PARP1: variants seen among roughly 807,000 people sequenced by gnomAD.
PARP1 encodes the protein poly [ADP-ribose] polymerase 1.
In PARP1, 44 loss-of-function variants were observed where a neutral mutation model predicts 118.7. The ratio of observed to expected loss-of-function variants is 0.37; its 90% CI spans 0.29 to 0.48. The LOEUF is 0.48. PARP1 is among the 20% of genes least tolerant of loss of function. The pLI is 0.99. For synonymous variants in PARP1, 492 were observed against 483.2 expected, an observed-to-expected ratio of 1.02 and a Z score of -0.24; for missense variants, 1,100 against 1,272.4, an observed-to-expected ratio of 0.86 and a Z score of 2.06.
chr1:226,403,118 C>G (rs1665070210), intron 1 of PARP1, among the ~76,000 whole-genome samples: 1 of 152,164 alleles, frequency 6.6e-6, no homozygotes, highest in Non-Finnish European at 1.5e-5. Flanking sequence ...ACACAGTTCC[C>G]CTCTCCAGGT....
Position 226,392,182 on chromosome 1 carries a change from G to A in PARP1, c.402+17C>T. On this transcript the variant is annotated intron_variant, in intron 3 of 22. Transcript: ENST00000366794. ...GCAATCCATAAAGTTCAGGGATCTG[G>A]GCCCCCAAGATCTTACCTTTTCTAT... 6.7e-7 allele frequency: 1 copy of A among 1,498,388 alleles called. No individual in the cohort carries two copies. The highest frequency in any genetic ancestry group is 2.3e-5 in the East Asian group (1 of 44,330). The allele number at this position is 1,498,388 out of a possible 1,614,324, so 92.8% of individuals were successfully genotyped here.
At chr1:226,392,546 A>AT (rs1234301994) in intron 2 of PARP1, 3 of 573,650 alleles carry the variant, frequency 5.2e-6, no homozygotes, top group Non-Finnish European at 6.3e-6. Flanking sequence ...AAAGAGCAGC[A>AT]TATCAGGGGG....
intron 1 of PARP1, 45 bp downstream of exon 1, chr1:226,407,765 C>A (rs749255333): frequency 6.6e-7 from 1 of 1,524,388 alleles, no homozygotes; most frequent in East Asian, 2.7e-5. Flanking sequence ...ACAGTTAACC[C>A]GGGGCGCCGC....
chr1:226,366,000 T>G lies in PARP1; in HGVS notation c.2459A>C (p.Asn820Thr). Residue 820 changes from asparagine (N) to threonine (T), a missense_variant, in exon 18 of 23, where the codon AAC becomes ACC. Physicochemically the swap from Asn to Thr is moderately conservative, Grantham distance 65. Around this residue, in one of 2 missense-constraint regions of PARP1, gnomAD observed 948 missense variants for 1,031.8 expected, o/e 0.92. Transcript: ENST00000366794. The part of the protein sequence containing the change: ...EAEIIRKYVK[N>T]THATTHNAYD... ...CGCATTGTGTGTGGTTGCATGAGTG[T>G]TCTTAACATACTTCCTGATGATCTC... 1 of 1,613,636 alleles carries G rather than the reference T, an allele frequency of 6.2e-7. No individual in the cohort carries two copies.
chr1:226,404,174 A>C (rs1553298611), intron 1 of PARP1, among the ~76,000 whole-genome samples: 1 of 152,220 alleles, frequency 6.6e-6, no homozygotes, highest in Non-Finnish European at 1.5e-5. Context: ...CTCTAGCAAC[A>C]TGTCACAGAG....
intron 1 of PARP1, among the ~76,000 whole-genome samples, chr1:226,405,934 A>G (rs1441565739): frequency 2.6e-5 from 4 of 152,206 alleles, no homozygotes; most frequent in African/African-American, 9.7e-5. Context: ...TGGGCAACAT[A>G]GTGAGACCCC....
intron 7 of PARP1, among the ~76,000 whole-genome samples, chr1:226,384,988 C>A (rs557738292): frequency 1.7e-4 from 26 of 152,278 alleles, no homozygotes; most frequent in Admixed American, 1.4e-3. Context: ...CTGCTAGAAC[C>A]CCACCAGCCG....
At position 226,360,967 on chromosome 1, in the gene PARP1, G is replaced by A. The variant is rs993599937; in HGVS notation, c.*493C>T. 8.8e-6 allele frequency: 2 copies of A among 227,636 alleles called. No homozygotes were observed. The highest frequency in any genetic ancestry group is 1.3e-4 in the East Asian group (2 of 15,250). The allele number at this position is 227,636 out of a possible 1,614,324, so 14.1% of individuals were successfully genotyped here. Reference sequence around the variant, plus strand: ...GAGGCAAACAAAAAAAACTAAAAAGGGGACAATAAGTGCAAGATAAAAAAG... The same window carrying A: ...GAGGCAAACAAAAAAAACTAAAAAGAGGACAATAAGTGCAAGATAAAAAAG... On this transcript the variant is annotated 3_prime_UTR_variant, in exon 23 of 23. Transcript: ENST00000366794.
chr1:226,378,900 CAGA>C (rs1480522994), intron 12 of PARP1, among the ~76,000 whole-genome samples: 1 of 152,162 alleles, frequency 6.6e-6, no homozygotes, highest in Non-Finnish European at 1.5e-5. Context: ...GAAAAGCCAG[CAGA>C]AGAATATGTG....
chr1:226,376,541 T>A (rs1411972250), intron 13 of PARP1, among the ~76,000 whole-genome samples: 1 of 152,238 alleles, frequency 6.6e-6, no homozygotes, highest in Non-Finnish European at 1.5e-5. Flanking sequence ...AATTACGTCC[T>A]ATTGTTTCAG....
chr1:226,370,321 A>G lies in PARP1; in HGVS notation c.2154+113T>C, dbSNP rs1022435756. The stretch of plus-strand genomic sequence containing the variant: ...TCGAAACCCTCGTGAAGTGCAGTTC[A>G]GTACTTCCAGTTTCTTAACCTTGAG... On this transcript the variant is annotated intron_variant, in intron 15 of 22. Transcript: ENST00000366794. 48 of 818,452 alleles carry G rather than the reference A, an allele frequency of 5.9e-5. No homozygotes were observed. In the African/African-American group the frequency reaches 6.8e-4, roughly 12 times the overall value. 50.7% of individuals were successfully genotyped at this position (818,452 alleles called of 1,614,324 possible). A position where few individuals can be genotyped will look rare whatever the true frequency, so the allele number is the denominator to read the frequency against.
At position 226,402,313 on chromosome 1, in the gene PARP1, A is replaced by C; in HGVS notation, c.187T>G (p.Ser63Ala). The stretch of plus-strand genomic sequence containing the variant: ...ACCTCAACGTCAGGGTGCCGGATGG[A>C]GTGGCCCACCTTCCAGAAGCAGGAG... ...HFSCFWKVGH[S>A]IRHPDVEVDG... The change falls in exon 2 of 23, where the codon TCC (serine) becomes GCC (alanine). Residue 63 changes from serine to alanine, a missense_variant. Ser to Ala is a moderately conservative substitution (Grantham distance 99). Around this residue, in one of 2 missense-constraint regions of PARP1, gnomAD observed 948 missense variants for 1,031.8 expected, o/e 0.92. Transcript: ENST00000366794. 1 of 1,614,076 alleles carries C rather than the reference A, an allele frequency of 6.2e-7. No homozygotes were observed. Among genetic ancestry groups the C allele is most frequent in the East Asian group, 2.2e-5 (1 of 44,892 alleles).
chr1:226,380,176 G>C lies in PARP1; in HGVS notation c.1301-12C>G, dbSNP rs753857954. 6.2e-7 allele frequency: 1 copy of C among 1,611,774 alleles called. No homozygotes were observed. The highest frequency in any genetic ancestry group is 1.7e-5 in the Admixed American group (1 of 59,736). On this transcript the variant is annotated splice_polypyrimidine_tract_variant and intron_variant, in intron 9 of 22. Coordinates refer to ENST00000366794, the MANE Select transcript of PARP1 (RefSeq NM_001618.4). ...CTTTTCCACCTCCTCTGTTCAAATTGAAAGGAAAAAAAACCAAAATACAAG... is the reference window on the plus strand; with the variant it reads ...CTTTTCCACCTCCTCTGTTCAAATTCAAAGGAAAAAAAACCAAAATACAAG...
intron 16 of PARP1, 121 bp from the exon 17 acceptor site, chr1:226,367,729 G>T: frequency 9.1e-7 from 1 of 1,102,322 alleles, no homozygotes; most frequent in Non-Finnish European, 1.4e-6. Context: ...AAACCCTCCT[G>T]CTGGTCAGGG....
intron 1 of PARP1, among the ~76,000 whole-genome samples, chr1:226,406,445 C>T (rs577878605): frequency 1.1e-3 from 163 of 152,288 alleles, no homozygotes; most frequent in Admixed American, 2.8e-3. Context: ...ATTGTAGGCC[C>T]TGTCTACTTC....
Position 226,363,085 on chromosome 1 carries a change from TG to T in PARP1, c.2848+13del, listed in dbSNP as rs1558232547. The T allele has an allele frequency of 1.2e-6, 2 of 1,607,498 alleles. No individual in the cohort carries two copies. Among genetic ancestry groups the T allele is most frequent in the South Asian group, 2.2e-5 (2 of 90,844 alleles). ...GTGCCTCGGGCTGTAGCAACAGCTT[TG>T]GAAACACTTTACCTTTGACACTGTG... On this transcript the variant is annotated intron_variant, in intron 21 of 22. Coordinates refer to ENST00000366794, the MANE Select transcript of PARP1 (RefSeq NM_001618.4).
At chr1:226,386,686 T>C (rs1664723253) in intron 5 of PARP1, among the ~76,000 whole-genome samples, 1 of 152,102 alleles carries the variant, frequency 6.6e-6, no homozygotes, top group South Asian at 2.1e-4. Context: ...CCTAAGGGTG[T>C]GGGGGAGACT....
intron 8 of PARP1, among the ~76,000 whole-genome samples, chr1:226,381,807 G>C (rs1399432545): frequency 2.0e-5 from 3 of 152,236 alleles, no homozygotes; most frequent in African/African-American, 7.2e-5. Flanking sequence ...CACAGTGCAG[G>C]TGACACCCGT....
At chr1:226,382,390 G>C (rs1279049978) in intron 8 of PARP1, among the ~76,000 whole-genome samples, 1 of 152,194 alleles carries the variant, frequency 6.6e-6, no homozygotes, top group Non-Finnish European at 1.5e-5. Context: ...AGCCTGGAGA[G>C]TGAGGCCTGG....
Sources: gnomAD v4.1 joint callset for allele counts (sites outside exome capture counted in the v4.1 genomes callset) on GRCh38, gnomAD v4.1.1 for gene constraint, gnomAD v4.1.1 regional missense constraint, MANE v1.5 for transcripts, NCBI Gene and HGNC (gene_info 2026-07-23, HGNC 2026-07-21) for gene names.